RUVBL1: variants seen among roughly 807,000 people sequenced by gnomAD.
The protein encoded by RUVBL1 is ruvB-like 1.
In RUVBL1, 4 loss-of-function variants were observed where a neutral mutation model predicts 52.4. The ratio of observed to expected loss-of-function variants is 0.08; its 90% CI spans 0.04 to 0.17. The LOEUF (loss-of-function observed/expected upper bound fraction) is 0.17. RUVBL1 is among the 10% of genes least tolerant of loss of function. RUVBL1 has a pLI of 1.00. For missense variants in RUVBL1, 298 were observed against 572.8 expected, an observed-to-expected ratio of 0.52 and a Z score of 4.90; for synonymous variants, 217 against 214.4, an observed-to-expected ratio of 1.01 and a Z score of -0.10.
intron 3 of RUVBL1, among the ~76,000 whole-genome samples, chr3:128,111,219 CAAAAA>C (rs11289688): frequency 2.3e-5 from 3 of 128,642 alleles, no homozygotes; most frequent in African/African-American, 2.9e-5. Context: ...GACTCTCTCT[CAAAAA>C]AAAAAAAAAA....
At chr3:128,124,169 G>A (rs1241180496), upstream of RUVBL1, among the ~76,000 whole-genome samples, 1 of 152,020 alleles carries the variant, frequency 6.6e-6, no homozygotes, top group Non-Finnish European at 1.5e-5. Flanking sequence ...GAAGAACTGA[G>A]GTTCAGAGCT....
chr3:128,123,790 T>C lies in RUVBL1; in HGVS notation c.-66A>G. 6.6e-7 allele frequency: 1 copy of C among 1,505,446 alleles called. No individual in the cohort carries two copies. Among genetic ancestry groups the C allele is most frequent in the Non-Finnish European group, 8.9e-7 (1 of 1,118,728 alleles). 93.3% of individuals were successfully genotyped at this position (1,505,446 alleles called of 1,614,324 possible). A position where few individuals can be genotyped will look rare whatever the true frequency, so the allele number is the denominator to read the frequency against. On this transcript the variant is annotated 5_prime_UTR_variant, in exon 1 of 11. Coordinates refer to ENST00000322623, the MANE Select transcript of RUVBL1 (RefSeq NM_003707.3). ...CAGCTAGGACAGTGCGCCCGGCGCC[T>C]GAGTTACCATGCGGCCGTTACTAGG...
rs774903268 is a variant in RUVBL1, at chr3:128,097,349, T to A, written c.967A>T (p.Ile323Phe). ...TYLHRALESS[I>F]APIVIFASNR... Reference sequence around the variant, plus strand: ...GATGCAAAGATGACGATGGGAGCGATAGAAGACTCCAGGGCGCGGTGCAGG... The same window carrying A: ...GATGCAAAGATGACGATGGGAGCGAAAGAAGACTCCAGGGCGCGGTGCAGG... The change falls in exon 8 of 11, where the codon ATC (isoleucine) becomes TTC (phenylalanine). Residue 323 changes from isoleucine to phenylalanine, a missense_variant. Transcript: ENST00000322623. 16 of 1,614,188 alleles carry A rather than the reference T, an allele frequency of 9.9e-6. No individual in the cohort carries two copies. The highest frequency in any genetic ancestry group is 1.3e-5 in the Non-Finnish European group (15 of 1,180,032).
chr3:128,121,241 G>A (rs137860719), intron 1 of RUVBL1, among the ~76,000 whole-genome samples: 14 of 151,612 alleles, frequency 9.2e-5, no homozygotes, highest in East Asian at 2.0e-4. Flanking sequence ...GACTACAGGC[G>A]CATACCACCA....
At chr3:128,145,993 C>A (rs147106795) in intron 1 of RUVBL1, among the ~76,000 whole-genome samples, 6 of 152,206 alleles carry the variant, frequency 3.9e-5, no homozygotes, top group African/African-American at 1.4e-4. Context: ...GGAAATAAAC[C>A]ATACACGTAT....
intron 1 of RUVBL1, among the ~76,000 whole-genome samples, chr3:128,120,938 G>A (rs752831010): frequency 3.3e-4 from 50 of 150,178 alleles, no homozygotes; most frequent in African/African-American, 7.4e-4. Flanking sequence ...CCGAGATGGC[G>A]CCACTGCACT....
exon 1 of RUVBL1, chr3:128,153,252 G>T (rs1009323281): frequency 2.2e-6 from 3 of 1,342,346 alleles, no homozygotes; most frequent in African/African-American, 3.1e-5. Flanking sequence ...TCCATCTCGG[G>T]CTCCTAGAGG....
intron 9 of RUVBL1, chr3:128,069,654 C>G (rs1942095641): frequency 6.2e-7 from 1 of 1,613,896 alleles, no homozygotes; most frequent in African/African-American, 1.3e-5. Flanking sequence ...GGGGGCCCTG[C>G]TCTTCTGAGC....
At chr3:128,105,853 CTTT>C (rs1263188132) in intron 3 of RUVBL1, among the ~76,000 whole-genome samples, 2 of 142,758 alleles carry the variant, frequency 1.4e-5, no homozygotes, top group Admixed American at 7.2e-5. Flanking sequence ...TTCTTTCTTT[CTTT>C]CCCTTTTTCT....
At chr3:128,079,399 GCCT>G (rs1370898981), downstream of RUVBL1, among the ~76,000 whole-genome samples, 1 of 152,250 alleles carries the variant, frequency 6.6e-6, no homozygotes, top group Non-Finnish European at 1.5e-5. Flanking sequence ...CAAGGGACTT[GCCT>G]CCTCTGTGGA....
intron 2 of RUVBL1, among the ~76,000 whole-genome samples, chr3:128,115,662 T>A (rs928389559): frequency 6.6e-5 from 10 of 152,216 alleles, no homozygotes; most frequent in African/African-American, 2.4e-4. Flanking sequence ...GAAAGACATA[T>A]GCTTCTAGCA....
chr3:128,067,701 C>A lies in RUVBL1; in HGVS notation c.940-2481G>T. ...TTGTCACCTCATCATAAATAATGGTCTGTGACGTGTGCAGATAGATCGTCG... is the reference window on the plus strand; with the variant it reads ...TTGTCACCTCATCATAAATAATGGTATGTGACGTGTGCAGATAGATCGTCG... On this transcript the variant is annotated intron_variant, in intron 9 of 9. Coordinates refer to the RUVBL1 transcript ENST00000464873. This position sits in a 1 kb window ranked among gnomAD's most constrained non-coding sequence, Gnocchi z 4.1. The A allele has an allele frequency of 1.8e-6, 2 of 1,094,954 alleles. No homozygotes were observed. The highest frequency in any genetic ancestry group is 1.5e-5 in the South Asian group (1 of 66,956). The allele number at this position is 1,094,954 out of a possible 1,614,324, so 67.8% of individuals were successfully genotyped here. A position where few individuals can be genotyped will look rare whatever the true frequency, so the allele number is the denominator to read the frequency against.
In RUVBL1 at chr3:128,094,131, A is replaced by G. The variant is rs114906808; in HGVS notation, c.1016+3169T>C. 4.3e-3 allele frequency among the ~76,000 whole-genome samples: 648 copies of G among 152,348 alleles called. 6 individuals are homozygous for G. Among genetic ancestry groups the G allele is most frequent in the African/African-American group, 0.014 (593 of 41,582 alleles). On this transcript the variant is annotated intron_variant, in intron 8 of 10. Coordinates refer to ENST00000322623, the MANE Select transcript of RUVBL1 (RefSeq NM_003707.3). ...ATAATTCTGCAAAAAAGGTGCTGAT[A>G]TTCCCATTTCCTGATGAGGATGGTA...
At chr3:128,153,228 C>T (rs1944281273) in exon 1 of RUVBL1, 2 of 1,334,394 alleles carry the variant, frequency 1.5e-6, no homozygotes, top group African/African-American at 3.1e-5. Context: ...GGCTTCACTT[C>T]TCAGAAGGAT....
intron 8 of RUVBL1, among the ~76,000 whole-genome samples, chr3:128,095,706 G>A (rs933540347): frequency 2.6e-5 from 4 of 152,302 alleles, no homozygotes; most frequent in Admixed American, 2.6e-4. Context: ...CCATTGTGGG[G>A]CTTACCCAGA....
Position 128,153,419 on chromosome 3 carries a change from C to CG in RUVBL1, c.-257dup, listed in dbSNP as rs573674957. Reference sequence around the variant, plus strand: ...ACGGGTGTGCACAGCGCGCCGGTTACGGGGGGGCAACTTAACGGGCCGGAC... The same window carrying CG: ...ACGGGTGTGCACAGCGCGCCGGTTACGGGGGGGGCAACTTAACGGGCCGGAC... On this transcript the variant is annotated 5_prime_UTR_variant, in exon 1 of 10. Transcript: ENST00000464873. 585 of 1,418,152 alleles carry CG rather than the reference C, an allele frequency of 4.1e-4. 1 individual carries two copies. In the African/African-American group the frequency reaches 6.7e-3, roughly 16 times the overall value. The allele number at this position is 1,418,152 out of a possible 1,614,324, so 87.8% of individuals were successfully genotyped here.
intron 8 of RUVBL1, among the ~76,000 whole-genome samples, chr3:128,095,514 T>G (rs1450336816): frequency 1.3e-5 from 2 of 152,218 alleles, no homozygotes; most frequent in Admixed American, 6.5e-5. Flanking sequence ...TCTCCAAGAC[T>G]TAGGAAGCAC....
intron 1 of RUVBL1, among the ~76,000 whole-genome samples, chr3:128,122,061 T>C (rs1212953584): frequency 1.4e-5 from 2 of 146,888 alleles, no homozygotes; most frequent in African/African-American, 5.4e-5. Flanking sequence ...GCATCACTCT[T>C]AGGCATAGAG....
chr3:128,086,297 A>G (rs1942643362), intron 9 of RUVBL1, among the ~76,000 whole-genome samples: 1 of 152,236 alleles, frequency 6.6e-6, no homozygotes, highest in African/African-American at 2.4e-5. Context: ...ATGCCTGGGC[A>G]ATGTCCTCAT....
Sources: allele counts gnomAD v4.1 joint callset (sites outside exome capture counted in the v4.1 genomes callset), GRCh38; gene constraint gnomAD v4.1.1; non-coding constraint Gnocchi (gnomAD v3.1); transcripts MANE v1.5; gene names NCBI Gene and HGNC (gene_info 2026-07-23, HGNC 2026-07-21).